PLCB1: variants seen among roughly 807,000 people sequenced by gnomAD.
PLCB1 encodes phospholipase C beta 1.
Under a neutral mutation model 161.8 loss-of-function variants are expected in PLCB1, and 46 were observed. The ratio of observed to expected loss-of-function variants is 0.28; its 90% CI spans 0.22 to 0.36. PLCB1 has a LOEUF of 0.36. Ranked by LOEUF, PLCB1 falls within the 10% of genes least tolerant of loss-of-function variation. The probability of loss-of-function intolerance (pLI) is 1.00; values close to 1 mark genes in which losing one functional copy is unlikely to be tolerated. For missense variants in PLCB1, 1,016 were observed against 1,472.5 expected (o/e 0.69, Z 5.07); for synonymous variants, 517 against 503.7 (o/e 1.03, Z -0.35).
intron 2 of PLCB1, among the ~76,000 whole-genome samples, chr20:8,368,766 C>A (rs1048028665): frequency 2.0e-5 from 3 of 152,012 alleles, no homozygotes; most frequent in Admixed American, 1.3e-4. Flanking sequence ...GCTCCATATA[C>A]CTCTGTGACA....
chr20:8,532,120 G>T (rs1469247321), intron 3 of PLCB1, among the ~76,000 whole-genome samples: 1 of 152,028 alleles, frequency 6.6e-6, no homozygotes, highest in African/African-American at 2.4e-5. Flanking sequence ...TAAAATTAGT[G>T]TCTTATTTGC....
At chr20:8,133,538 G>C (rs1359531726) in intron 1 of PLCB1, among the ~76,000 whole-genome samples, 2 of 152,170 alleles carry the variant, frequency 1.3e-5, no homozygotes, top group African/African-American at 4.8e-5. Context: ...CTAGCCCAGC[G>C]CCGGGGTCTC....
intron 31 of PLCB1, among the ~76,000 whole-genome samples, chr20:8,837,169 A>G (rs1285153194): frequency 6.6e-6 from 1 of 152,102 alleles, no homozygotes; most frequent in Non-Finnish European, 1.5e-5. Context: ...AGGAAACTCT[A>G]AGGGCCTCCC....
chr20:8,233,525 T>G (rs1351994496), intron 2 of PLCB1, among the ~76,000 whole-genome samples: 1 of 152,180 alleles, frequency 6.6e-6, no homozygotes, highest in African/African-American at 2.4e-5. Flanking sequence ...TTAAGTTGAT[T>G]ATTTTTTTCT....
intron 2 of PLCB1, among the ~76,000 whole-genome samples, chr20:8,359,371 TGAAAG>T (rs1431231080): frequency 5.3e-5 from 8 of 152,066 alleles, no homozygotes; most frequent in Admixed American, 2.0e-4. Context: ...ATTATTTTAA[TGAAAG>T]GAAAGTCAGA....
At chr20:8,196,046 T>G (rs983259850) in intron 2 of PLCB1, among the ~76,000 whole-genome samples, 1 of 151,920 alleles carries the variant, frequency 6.6e-6, no homozygotes, top group Non-Finnish European at 1.5e-5. Context: ...AATCTCCTTT[T>G]AAAACTACAA....
At chr20:8,807,666 C>G (rs1014292551) in intron 31 of PLCB1, among the ~76,000 whole-genome samples, 21 of 152,016 alleles carry the variant, frequency 1.4e-4, no homozygotes, top group African/African-American at 2.9e-4. Context: ...CCTTTTCCCC[C>G]CTTCAAGTTG....
At chr20:8,606,393 T>C (rs973697703) in intron 3 of PLCB1, among the ~76,000 whole-genome samples, 34 of 152,164 alleles carry the variant, frequency 2.2e-4, no homozygotes, top group African/African-American at 8.2e-4. Flanking sequence ...CTTCATTTCC[T>C]CCTCTAAAAG....
chr20:8,228,007 C>A (rs1457044211), intron 2 of PLCB1, among the ~76,000 whole-genome samples: 1 of 151,982 alleles, frequency 6.6e-6, no homozygotes, highest in Admixed American at 6.6e-5. Flanking sequence ...AATCTAATGA[C>A]AAACTTCGGA....
intron 25 of PLCB1, among the ~76,000 whole-genome samples, chr20:8,761,986 G>A (rs978378842): frequency 2.6e-4 from 39 of 151,484 alleles, no homozygotes; most frequent in African/African-American, 8.7e-4. Flanking sequence ...AGGGGGGGGC[G>A]GATCACCTGA....
chr20:8,658,638 C>A lies in PLCB1; in HGVS notation c.796C>A (p.Leu266Ile). 2 of 1,613,134 alleles carry A rather than the reference C, an allele frequency of 1.2e-6. No homozygotes were observed. Among genetic ancestry groups the A allele is most frequent in the South Asian group, 2.2e-5 (2 of 91,018 alleles). Residue 266 changes from leucine (L) to isoleucine (I), a missense_variant, in exon 9 of 32, where the codon CTA becomes ATA. This residue lies in a region of PLCB1 where 117 missense variants were observed against 142.2 expected (regional missense o/e 0.82). Transcript: ENST00000338037. The part of the protein sequence containing the change: ...PRLNEILYPP[L>I]KQEQVQVLIE... ...GCTTAATGAAATACTTTATCCACCT[C>A]TAAAACAAGAGCAAGTCCAAGTATT...
intron 23 of PLCB1, among the ~76,000 whole-genome samples, chr20:8,748,831 G>T (rs982836578): frequency 6.6e-6 from 1 of 152,106 alleles, no homozygotes; most frequent in African/African-American, 2.4e-5. Flanking sequence ...TGCCACAGGG[G>T]GACAAAGCGG....
At chr20:8,555,954 C>A (rs1008375843) in intron 3 of PLCB1, among the ~76,000 whole-genome samples, 3 of 149,754 alleles carry the variant, frequency 2.0e-5, no homozygotes, top group South Asian at 2.1e-4. Context: ...TGACAAATTA[C>A]ATGAAAGAGA....
At chr20:8,791,677 T>C (rs934820125) in intron 31 of PLCB1, among the ~76,000 whole-genome samples, 1 of 146,012 alleles carries the variant, frequency 6.8e-6, no homozygotes, top group Non-Finnish European at 1.5e-5. Context: ...GGTTCAACAA[T>C]GTTAACTATT....
chr20:8,790,260 A>C lies in PLCB1; in HGVS notation c.3422A>C (p.Lys1141Thr), dbSNP rs758111758. 11 of 1,605,430 alleles carry C rather than the reference A, an allele frequency of 6.9e-6. 1 individual carries two copies. In the South Asian group the frequency reaches 1.0e-4, roughly 15 times the overall value. The change falls in exon 31 of 32, where the codon AAG (lysine) becomes ACG (threonine). Residue 1141 changes from lysine to threonine, a missense_variant and splice_region_variant. Physicochemically the swap from Lys to Thr is moderately conservative, Grantham distance 78. Coordinates refer to ENST00000338037, the MANE Select transcript of PLCB1 (RefSeq NM_015192.4). ...IRQQILDEKP[K>T]LQVELEQEYQ... ...CAGCAGATCCTGGATGAAAAGCCCA[A>C]GGTAAACGGAACTGAATTAAAATGA...
chr20:8,867,867 G>A (rs527551108), intron 31 of PLCB1, among the ~76,000 whole-genome samples: 1 of 152,248 alleles, frequency 6.6e-6, no homozygotes, highest in Admixed American at 6.5e-5. Flanking sequence ...TGAGTTCAGA[G>A]ATTCTGAAAT....
At chr20:8,647,754 T>C (rs1285212651) in intron 5 of PLCB1, 146 bp from the exon 6 acceptor site, 1 of 642,468 alleles carries the variant, frequency 1.6e-6, no homozygotes, top group Admixed American at 2.7e-5. Context: ...TTTCTTAATC[T>C]GGGTGCCAAC....
chr20:8,203,473 G>C (rs1568589005), intron 2 of PLCB1, among the ~76,000 whole-genome samples: 2 of 152,102 alleles, frequency 1.3e-5, no homozygotes, highest in Admixed American at 1.3e-4. Context: ...TGAGGAGCCT[G>C]CTTAACTATT....
At chr20:8,450,477 C>T (rs1772171164) in intron 3 of PLCB1, among the ~76,000 whole-genome samples, 1 of 151,934 alleles carries the variant, frequency 6.6e-6, no homozygotes, top group African/African-American at 2.4e-5. Flanking sequence ...AAGAACAGGG[C>T]AGTGCTGGAA....
Sources: allele counts gnomAD v4.1 joint callset (sites outside exome capture counted in the v4.1 genomes callset), GRCh38; gene constraint gnomAD v4.1.1; regional missense constraint gnomAD v4.1.1; transcripts MANE v1.5; gene names NCBI Gene and HGNC (gene_info 2026-07-23, HGNC 2026-07-21).